The following IQCM variants were observed in gnomAD, a reference collection of about 807,000 sequenced individuals.
IQCM encodes IQ motif containing M.
Under a neutral mutation model 57.6 loss-of-function variants are expected in IQCM, and 45 were observed. That is an observed-to-expected ratio of 0.78 (90% CI 0.62 to 1.00). The LOEUF (loss-of-function observed/expected upper bound fraction) is 1.00, where lower values mean the gene tolerates loss of function less well. Among genes scored for constraint, IQCM ranks in the 50% least tolerant of loss-of-function variants. The probability of loss-of-function intolerance (pLI) is 0.00; values close to 1 mark genes in which losing one functional copy is unlikely to be tolerated. For missense variants in IQCM, 468 were observed against 511.6 expected, an observed-to-expected ratio of 0.91 and a Z score of 0.82; for synonymous variants, 148 against 158.9, an observed-to-expected ratio of 0.93 and a Z score of 0.51.
chr4:149,645,578 G>A (rs1036449092), intron 7 of IQCM, among the ~76,000 whole-genome samples: 1 of 152,178 alleles, frequency 6.6e-6, no homozygotes, highest in African/African-American at 2.4e-5. Context: ...AAGGTGATGT[G>A]AGACAGCTGT....
chr4:149,626,953 A>G (rs549233373), intron 7 of IQCM, among the ~76,000 whole-genome samples: 2 of 152,292 alleles, frequency 1.3e-5, no homozygotes, highest in South Asian at 4.1e-4. Context: ...AAAAAGAACA[A>G]AAAATGTTTC....
intron 6 of IQCM, among the ~76,000 whole-genome samples, chr4:149,683,759 G>A (rs1017125493): frequency 6.6e-6 from 1 of 151,282 alleles, no homozygotes; most frequent in Admixed American, 6.6e-5. Flanking sequence ...CCTGACTAAT[G>A]AAAGATTCTA....
At chr4:149,481,723 G>GTTTTTTTTTGTTTTTTTTTTT (rs1740903527) in intron 12 of IQCM, among the ~76,000 whole-genome samples, 1 of 9,342 alleles carries the variant, frequency 1.1e-4, no homozygotes, top group African/African-American at 3.2e-4. Context: ...TTTTTTTTTT[G>GTTTTTTTTTGTTTTTTTTTTT]CTTTTTGCTT....
At chr4:149,425,327 A>C (rs1306597847) in intron 13 of IQCM, among the ~76,000 whole-genome samples, 2 of 152,026 alleles carry the variant, frequency 1.3e-5, no homozygotes, top group African/African-American at 4.8e-5. Context: ...GCCATTGCAA[A>C]GACCAAGAAG....
At chr4:149,580,184 C>G (rs937966875) in intron 9 of IQCM, among the ~76,000 whole-genome samples, 1 of 151,788 alleles carries the variant, frequency 6.6e-6, no homozygotes, top group African/African-American at 2.4e-5. Context: ...AAAATTGAGA[C>G]TTCTTTTAAT....
intron 13 of IQCM, among the ~76,000 whole-genome samples, chr4:149,398,413 T>A (rs1732383331): frequency 6.6e-6 from 1 of 152,044 alleles, no homozygotes; most frequent in Non-Finnish European, 1.5e-5. Context: ...ATTGGGATTT[T>A]GATAGAGATA....
chr4:149,409,881 G>A (rs1162261930), intron 13 of IQCM, among the ~76,000 whole-genome samples: 1 of 152,152 alleles, frequency 6.6e-6, no homozygotes, highest in Non-Finnish European at 1.5e-5. Flanking sequence ...CAGTAGCACA[G>A]CCTGGTAAAA....
intron 13 of IQCM, among the ~76,000 whole-genome samples, chr4:149,419,797 A>T (rs1192520823): frequency 6.6e-6 from 1 of 152,070 alleles, no homozygotes; most frequent in Non-Finnish European, 1.5e-5. Context: ...ATTTACAAGG[A>T]AAAAACAAAA....
intron 13 of IQCM, among the ~76,000 whole-genome samples, chr4:149,379,112 G>A (rs189547289): frequency 2.6e-5 from 4 of 152,292 alleles, no homozygotes; most frequent in East Asian, 1.9e-4. Flanking sequence ...GGGAACCTCC[G>A]CCTAGATTTC....
chr4:149,703,660 G>A (rs1372469836), intron 5 of IQCM, among the ~76,000 whole-genome samples: 2 of 151,758 alleles, frequency 1.3e-5, no homozygotes, highest in Admixed American at 1.3e-4. Context: ...TAAAATACAT[G>A]GTCTGAGCCA....
chr4:149,566,862 C>T (rs75604626), intron 9 of IQCM, among the ~76,000 whole-genome samples: 3,164 of 152,050 alleles, frequency 0.021, 114 homozygotes, highest in African/African-American at 0.072. Context: ...ATTGTATTTA[C>T]AAATAATGAG....
intron 12 of IQCM, among the ~76,000 whole-genome samples, chr4:149,546,891 T>C (rs1748498013): frequency 6.6e-6 from 1 of 152,176 alleles, no homozygotes; most frequent in Non-Finnish European, 1.5e-5. Context: ...ATGAAGTCCT[T>C]GCCCATGCCT....
At chr4:149,491,767 C>T in intron 12 of IQCM, among the ~76,000 whole-genome samples, 1 of 152,042 alleles carries the variant, frequency 6.6e-6, no homozygotes, top group South Asian at 2.1e-4. Flanking sequence ...TTTGTCTACA[C>T]ACTCAGAAGT....
At chr4:149,739,423 A>T (rs2149902344) in intron 3 of IQCM, among the ~76,000 whole-genome samples, 1 of 151,592 alleles carries the variant, frequency 6.6e-6, no homozygotes, top group East Asian at 1.9e-4. Context: ...AGATTATTGC[A>T]TTACCATCAT....
At chr4:149,602,163 T>C (rs1160440529) in intron 8 of IQCM, among the ~76,000 whole-genome samples, 1 of 151,904 alleles carries the variant, frequency 6.6e-6, no homozygotes, top group Non-Finnish European at 1.5e-5. Context: ...ATTTACATCA[T>C]ATTATGTATT....
At chr4:149,536,380 C>G (rs558820593) in intron 12 of IQCM, among the ~76,000 whole-genome samples, 2 of 152,038 alleles carry the variant, frequency 1.3e-5, no homozygotes, top group African/African-American at 4.8e-5. Flanking sequence ...ACAGACTTTC[C>G]CCTATTCACT....
At chr4:149,509,193 G>T (rs1744148169) in intron 12 of IQCM, among the ~76,000 whole-genome samples, 1 of 152,196 alleles carries the variant, frequency 6.6e-6, no homozygotes, top group South Asian at 2.1e-4. Flanking sequence ...CCAAGATCCA[G>T]CCTGAGCTAG....
At chr4:149,519,883 T>C (rs1179081847) in intron 12 of IQCM, among the ~76,000 whole-genome samples, 1 of 151,660 alleles carries the variant, frequency 6.6e-6, no homozygotes, top group Non-Finnish European at 1.5e-5. Context: ...CGGGTGCCTG[T>C]AGTCCCAGCT....
chr4:149,358,183 T>C (rs1342789919), intron 13 of IQCM, among the ~76,000 whole-genome samples: 1 of 152,202 alleles, frequency 6.6e-6, no homozygotes, highest in East Asian at 1.9e-4. Context: ...TTGTTGATCT[T>C]TTCAAAAAAC....
Sources: allele counts gnomAD v4.1 joint callset (sites outside exome capture counted in the v4.1 genomes callset), GRCh38; gene constraint gnomAD v4.1.1; transcripts MANE v1.5; gene names NCBI Gene and HGNC (gene_info 2026-07-23, HGNC 2026-07-21).